Variants in IBTK observed in about 807,000 individuals in gnomAD.
IBTK encodes BTK-binding protein.
A neutral mutation model predicts 154.9 loss-of-function variants in IBTK; 83 were observed. The observed-to-expected ratio is 0.54, with a 90% CI of 0.45 to 0.64. The LOEUF (loss-of-function observed/expected upper bound fraction) is 0.64. Ranked by LOEUF, IBTK falls within the 30% of genes least tolerant of loss-of-function variation. The pLI is 0.00. For missense variants in IBTK, 1,332 were observed against 1,584.6 expected (o/e 0.84, Z 2.71); for synonymous variants, 515 against 536.1 (o/e 0.96, Z 0.54).
intron 1 of IBTK, among the ~76,000 whole-genome samples, chr6:82,243,614 T>C (rs931978432): frequency 5.3e-5 from 8 of 152,150 alleles, no homozygotes; most frequent in African/African-American, 1.9e-4. Context: ...ACATAGCATA[T>C]ATAGGGTTCA....
chr6:82,184,088 C>T (rs566343089), intron 25 of IBTK, among the ~76,000 whole-genome samples: 1 of 152,338 alleles, frequency 6.6e-6, no homozygotes, highest in Non-Finnish European at 1.5e-5. Context: ...GTGATACTGG[C>T]ATAAGGATTG....
chr6:82,203,064 A>C (rs564455057), intron 17 of IBTK, among the ~76,000 whole-genome samples: 2 of 150,392 alleles, frequency 1.3e-5, no homozygotes, highest in South Asian at 4.3e-4. Context: ...AAAACTAAGA[A>C]AAACTGATGA....
rs760025778 is a variant in IBTK, at chr6:82,172,391, C to G, written c.3919G>C (p.Ala1307Pro). ...AGTATGTTATTTACCTGAATCAGAG[C>G]CAACGGTTTTTCTCGACTTCTAATA... The part of the protein sequence containing the change: ...ALIRSREKPL[A>P]LIQIEEHAIQ... Residue 1307 changes from alanine (A) to proline (P), a missense_variant, in exon 28 of 29, where the codon GCT becomes CCT. By Grantham distance (27) the Ala-to-Pro change is conservative. Transcript: ENST00000306270. 35 of 1,613,300 alleles carry G rather than the reference C, an allele frequency of 2.2e-5. No homozygotes were observed. The Middle Eastern group carries it at 4.9e-4, about 23-fold the overall frequency.
At chr6:82,198,861 T>C (rs996167540) in intron 21 of IBTK, among the ~76,000 whole-genome samples, 2 of 152,104 alleles carry the variant, frequency 1.3e-5, no homozygotes, top group Admixed American at 6.5e-5. Flanking sequence ...AGACAGTCTA[T>C]AACACAATTG....
At chr6:82,206,744 A>G (rs550908247) in intron 16 of IBTK, among the ~76,000 whole-genome samples, 1 of 152,316 alleles carries the variant, frequency 6.6e-6, no homozygotes, top group East Asian at 1.9e-4. Flanking sequence ...GAATTATACA[A>G]CATGACCTAA....
At chr6:82,172,114 ATT>A (rs1296170796) in intron 28 of IBTK, among the ~76,000 whole-genome samples, 1 of 152,118 alleles carries the variant, frequency 6.6e-6, no homozygotes, top group Non-Finnish European at 1.5e-5. Flanking sequence ...TCTACTGGTC[ATT>A]TTAAAAAAAC....
chr6:82,201,278 G>C (rs1769200051), intron 19 of IBTK, 144 bp downstream of exon 19: 1 of 475,598 alleles, frequency 2.1e-6, no homozygotes, highest in East Asian at 3.5e-5. Flanking sequence ...TGTGAGATCT[G>C]TAAAGGAATC....
chr6:82,196,183 A>G, intron 22 of IBTK, 115 bp downstream of exon 22: 1 of 832,728 alleles, frequency 1.2e-6, no homozygotes, highest in East Asian at 2.6e-5. Context: ...TGTGATTCTT[A>G]TATACCAACC....
rs746051848 is a variant in IBTK, at chr6:82,200,573, A to G, written c.2912+14T>C. The G allele has an allele frequency of 2.0e-6, 3 of 1,514,226 alleles. No individual in the cohort carries two copies. The highest frequency in any genetic ancestry group is 2.6e-6 in the Non-Finnish European group (3 of 1,133,808). 93.8% of individuals were successfully genotyped at this position (1,514,226 alleles called of 1,614,324 possible). A position where few individuals can be genotyped will look rare whatever the true frequency, so the allele number is the denominator to read the frequency against. ...AAAAGGAGGAAAAGAAAAAAAAAAA[A>G]GAAAACAGCTTACGAATGATTTTGT... On this transcript the variant is annotated intron_variant, in intron 20 of 28. Coordinates refer to ENST00000306270, the MANE Select transcript of IBTK (RefSeq NM_015525.4).
At chr6:82,177,498 C>T (rs1378891522) in intron 26 of IBTK, among the ~76,000 whole-genome samples, 2 of 152,098 alleles carry the variant, frequency 1.3e-5, no homozygotes, top group Admixed American at 6.5e-5. Flanking sequence ...CCACAACCTC[C>T]GCCTCCTGGG....
intron 19 of IBTK, 108 bp from the exon 20 acceptor site, chr6:82,200,816 G>A: frequency 8.3e-7 from 1 of 1,212,024 alleles, no homozygotes; most frequent in Non-Finnish European, 1.1e-6. Context: ...TGGCCAGGCT[G>A]TTTGGAACAC....
chr6:82,194,081 GAATA>G (rs1279871482), intron 23 of IBTK, among the ~76,000 whole-genome samples: 32 of 152,208 alleles, frequency 2.1e-4, no homozygotes, highest in African/African-American at 7.5e-4. Flanking sequence ...AAAATTAACT[GAATA>G]GTTACACATT....
intron 5 of IBTK, among the ~76,000 whole-genome samples, chr6:82,226,938 C>T (rs976405014): frequency 6.6e-6 from 1 of 152,136 alleles, no homozygotes; most frequent in Admixed American, 6.5e-5. Context: ...ACTCTAGAAA[C>T]ATTTTAAAGC....
chr6:82,175,718 C>G (rs1046302252), intron 26 of IBTK, among the ~76,000 whole-genome samples: 2 of 152,128 alleles, frequency 1.3e-5, no homozygotes, highest in Admixed American at 6.5e-5. Context: ...AAAAGGTTAA[C>G]TGAAATTTTC....
At chr6:82,233,050 G>A (rs963649514) in intron 3 of IBTK, among the ~76,000 whole-genome samples, 1 of 151,772 alleles carries the variant, frequency 6.6e-6, no homozygotes, top group Non-Finnish European at 1.5e-5. Context: ...TACTCAGGAG[G>A]CTGAGAGAAG....
At position 82,214,763 on chromosome 6, in the gene IBTK, T is replaced by C. The variant is rs1322041619; in HGVS notation, c.1668A>G (p.Glu556=). The C allele has an allele frequency of 1.2e-6, 2 of 1,613,900 alleles. No individual in the cohort carries two copies. The highest frequency in any genetic ancestry group is 4.5e-5 in the East Asian group (2 of 44,854). ...FFEEFGKLLR[E]ADEMDSIHDV... is the part of the protein sequence containing the mutation. ...CATGAATGCTGTCCATTTCATCTGC[T>C]TCCCTCAACAGTTTGCCAAACTCTT... The change falls in exon 12 of 29, where the codon GAA becomes GAG. Residue 556 remains glutamate, a synonymous_variant. Transcript: ENST00000306270.
At position 82,204,841 on chromosome 6, in the gene IBTK, A is replaced by T; in HGVS notation, c.2611+16T>A. On this transcript the variant is annotated intron_variant, in intron 17 of 28. Transcript: ENST00000306270. ...AACCTGAAAACATATTAATATTCAA[A>T]CTCAAAATTACTCACGTTTTTCAGT... The T allele has an allele frequency of 6.9e-7, 1 of 1,447,282 alleles. No homozygotes were observed. The highest frequency in any genetic ancestry group is 9.6e-7 in the Non-Finnish European group (1 of 1,044,926). 89.7% of individuals were successfully genotyped at this position (1,447,282 alleles called of 1,614,324 possible). A position where few individuals can be genotyped will look rare whatever the true frequency, so the allele number is the denominator to read the frequency against.
chr6:82,191,306 C>T, intron 24 of IBTK, 90 bp from the exon 25 acceptor site: 7 of 998,920 alleles, frequency 7.0e-6, no homozygotes, highest in Non-Finnish European at 1.0e-5. Flanking sequence ...TATCAATTAA[C>T]ATTAATTTCT....
chr6:82,233,080 C>T (rs1256259126), intron 3 of IBTK, among the ~76,000 whole-genome samples: 1 of 151,410 alleles, frequency 6.6e-6, no homozygotes, highest in East Asian at 1.9e-4. Flanking sequence ...CAGCTTGAAC[C>T]CGGGAGGCGG....
Sources: gnomAD v4.1 joint callset for allele counts (sites outside exome capture counted in the v4.1 genomes callset) on GRCh38, gnomAD v4.1.1 for gene constraint, MANE v1.5 for transcripts, NCBI Gene and HGNC (gene_info 2026-07-23, HGNC 2026-07-21) for gene names.